Variants in TBL1XR1 observed in about 807,000 individuals in gnomAD.
TBL1XR1 encodes the protein TBL1X/Y related 1.
Under a neutral mutation model 66.9 loss-of-function variants are expected in TBL1XR1, and 5 were observed. The ratio of observed to expected loss-of-function variants is 0.07; its 90% CI spans 0.04 to 0.16. The LOEUF (loss-of-function observed/expected upper bound fraction) is 0.16, where lower values mean the gene tolerates loss of function less well. Ranked by LOEUF, TBL1XR1 falls within the 10% of genes least tolerant of loss-of-function variation. TBL1XR1 has a pLI of 1.00. For missense variants in TBL1XR1, 238 were observed against 623.2 expected, an observed-to-expected ratio of 0.38 and a Z score of 6.58; for synonymous variants, 210 against 206.0, an observed-to-expected ratio of 1.02 and a Z score of -0.17.
chr3:177,124,534 CTAAA>C (rs922213174), intron 1 of TBL1XR1, among the ~76,000 whole-genome samples: 28 of 152,154 alleles, frequency 1.8e-4, no homozygotes, highest in African/African-American at 6.3e-4. Flanking sequence ...TGCTATAGGG[CTAAA>C]TAAACAAACT....
At chr3:177,133,876 C>CAA (rs541940840) in intron 1 of TBL1XR1, among the ~76,000 whole-genome samples, 2,011 of 105,724 alleles carry the variant, frequency 0.019, 32 homozygotes, top group Non-Finnish European at 0.024. Context: ...ACTCCTATCT[C>CAA]AAAAAAAAAA....
intron 2 of TBL1XR1, among the ~76,000 whole-genome samples, chr3:177,090,517 TAA>T (rs768136243): frequency 1.9e-3 from 195 of 102,430 alleles, no homozygotes; most frequent in African/African-American, 7.0e-3. Flanking sequence ...CTGTCTCTAC[TAA>T]AAAAAAAAAA....
intron 1 of TBL1XR1, among the ~76,000 whole-genome samples, chr3:177,137,843 A>AC (rs1729178445): frequency 6.6e-6 from 1 of 152,064 alleles, no homozygotes; most frequent in African/African-American, 2.4e-5. Context: ...TGGTGGTGGT[A>AC]CCTGTACTCC....
chr3:177,048,423 G>C (rs1005610619), intron 7 of TBL1XR1, among the ~76,000 whole-genome samples: 2 of 152,110 alleles, frequency 1.3e-5, no homozygotes, highest in African/African-American at 4.8e-5. Context: ...TTCAAAACAA[G>C]ATCACCTATT....
chr3:177,098,948 T>C (rs1233186245), intron 1 of TBL1XR1, among the ~76,000 whole-genome samples: 1 of 152,224 alleles, frequency 6.6e-6, no homozygotes, highest in East Asian at 1.9e-4. Context: ...ATCATTGGTT[T>C]AGAAACAATT....
chr3:177,056,957 T>C (rs574776557), intron 3 of TBL1XR1, among the ~76,000 whole-genome samples: 2 of 152,194 alleles, frequency 1.3e-5, no homozygotes, highest in Non-Finnish European at 2.9e-5. Context: ...GACTATTACT[T>C]GTAAAACAAA....
At position 177,051,583 on chromosome 3, in the gene TBL1XR1, A is replaced by T; in HGVS notation, c.348T>A (p.Ala116=). The T allele has an allele frequency of 6.2e-7, 1 of 1,613,464 alleles. No homozygotes were observed. The highest frequency in any genetic ancestry group is 8.5e-7 in the Non-Finnish European group (1 of 1,179,720). The change falls in exon 5 of 16, where the codon GCT becomes GCA. Residue 116 remains alanine (A), a synonymous_variant. Coordinates refer to ENST00000457928, the MANE Select transcript of TBL1XR1 (RefSeq NM_024665.7). ...TTGCAGATCCTTGTTGGCTGGCTGC[A>T]GCTGCGGCAGCTGCAGCAGCTGCTG... is the stretch of plus-strand genomic sequence containing the variant. The part of the protein sequence containing the change: ...QQAAAAAAAA[A]AASQQGSAKN...
chr3:177,135,338 CATATATATATATATATATAT>C lies in TBL1XR1; in HGVS notation c.-121-36817_-121-36798del, dbSNP rs1177634107. Among the ~76,000 whole-genome samples the C allele has an allele frequency of 7.6e-4, 17 of 22,484 alleles. 1 individual carries two copies. Among genetic ancestry groups the C allele is most frequent in the Admixed American group, 1.5e-3 (2 of 1,368 alleles). The allele number at this position is 22,484 out of a possible 152,430, so 14.8% of individuals were successfully genotyped here. A position where few individuals can be genotyped will look rare whatever the true frequency, so the allele number is the denominator to read the frequency against. On this transcript the variant is annotated intron_variant, in intron 1 of 15. Transcript: ENST00000457928. ...GTGTGTGTGTGTGTGTGTGTGTATA[CATATATATATATATATATAT>C]ATATATATATATATATATATATATG...
intron 2 of TBL1XR1, among the ~76,000 whole-genome samples, chr3:177,070,645 T>C (rs111279054): frequency 6.6e-6 from 1 of 152,082 alleles, no homozygotes; most frequent in African/African-American, 2.4e-5. Flanking sequence ...GGTCAGGAGT[T>C]CAGGGCCAGC....
intron 4 of TBL1XR1, among the ~76,000 whole-genome samples, chr3:177,052,801 A>G (rs960657989): frequency 9.2e-5 from 14 of 152,274 alleles, no homozygotes; most frequent in African/African-American, 3.4e-4. Context: ...GCTCCTCACT[A>G]TAGATAAAAA....
At chr3:177,176,803 A>T (rs1235183138) in intron 1 of TBL1XR1, among the ~76,000 whole-genome samples, 1 of 151,732 alleles carries the variant, frequency 6.6e-6, no homozygotes, top group East Asian at 2.0e-4. Context: ...CAGAAGAAAA[A>T]CTCTGTCTCA....
chr3:177,195,111 C>T (rs12493005), intron 1 of TBL1XR1, among the ~76,000 whole-genome samples: 76,939 of 151,662 alleles, frequency 0.51, 20,210 homozygotes, highest in Non-Finnish European at 0.57. Flanking sequence ...GGTCGGATTC[C>T]AACAACTCAA....
chr3:177,065,394 A>C (rs1719026430), intron 2 of TBL1XR1, among the ~76,000 whole-genome samples: 1 of 152,246 alleles, frequency 6.6e-6, no homozygotes, highest in Non-Finnish European at 1.5e-5. Context: ...AGGCTGATTT[A>C]GTTAAAAAAG....
chr3:177,129,684 A>G (rs1728052851), intron 1 of TBL1XR1, among the ~76,000 whole-genome samples: 1 of 152,200 alleles, frequency 6.6e-6, no homozygotes, highest in South Asian at 2.1e-4. Context: ...TGCATATCAT[A>G]ATGAAAAGCA....
chr3:177,074,696 T>C (rs1439063494), intron 2 of TBL1XR1, among the ~76,000 whole-genome samples: 2 of 152,176 alleles, frequency 1.3e-5, no homozygotes, highest in African/African-American at 4.8e-5. Flanking sequence ...CGCCACCAAG[T>C]ATATTTCGTT....
intron 3 of TBL1XR1, among the ~76,000 whole-genome samples, chr3:177,056,123 G>A (rs776477985): frequency 3.3e-5 from 5 of 152,180 alleles, no homozygotes; most frequent in African/African-American, 7.2e-5. Flanking sequence ...GTTGCACAGT[G>A]CATGAAACAC....
At chr3:177,158,225 T>A (rs896603903) in intron 1 of TBL1XR1, among the ~76,000 whole-genome samples, 2 of 43,626 alleles carry the variant, frequency 4.6e-5, no homozygotes, top group African/African-American at 1.1e-4. Flanking sequence ...GATTTGTTTC[T>A]TTTCTTTTTT....
intron 1 of TBL1XR1, among the ~76,000 whole-genome samples, chr3:177,180,235 CAAAAAAAAAAA>C (rs34198735): frequency 1.4e-5 from 1 of 72,228 alleles, no homozygotes; most frequent in African/African-American, 6.0e-5. Context: ...GACTCCGTCT[CAAAAAAAAAAA>C]AAAAAAAAAA....
At chr3:177,135,176 A>AT (rs1269539162) in intron 1 of TBL1XR1, among the ~76,000 whole-genome samples, 1 of 149,536 alleles carries the variant, frequency 6.7e-6, no homozygotes, top group African/African-American at 2.5e-5. Flanking sequence ...TAATTTTTGT[A>AT]TTTTTAGTAG....
Sources: allele counts gnomAD v4.1 joint callset (sites outside exome capture counted in the v4.1 genomes callset), GRCh38; gene constraint gnomAD v4.1.1; transcripts MANE v1.5; gene names NCBI Gene and HGNC (gene_info 2026-07-23, HGNC 2026-07-21).